OPCML: variants seen among roughly 807,000 people sequenced by gnomAD.
OPCML encodes opioid binding protein/cell adhesion molecule like, also known as opioid-binding protein/cell adhesion molecule.
OPCML carries 13 observed loss-of-function variants against 37.8 expected under a neutral mutation model. That is an observed-to-expected ratio of 0.34 (90% CI 0.22 to 0.55). The LOEUF (loss-of-function observed/expected upper bound fraction) is 0.55. Ranked by LOEUF, OPCML falls within the 20% of genes least tolerant of loss-of-function variation. OPCML has a pLI of 0.91. For missense variants in OPCML, 341 were observed against 435.6 expected, an observed-to-expected ratio of 0.78 and a Z score of 1.93; for synonymous variants, 176 against 168.8, an observed-to-expected ratio of 1.04 and a Z score of -0.33.
intron 1 of OPCML, among the ~76,000 whole-genome samples, chr11:132,960,426 G>A (rs773443994): frequency 2.6e-5 from 4 of 152,196 alleles, no homozygotes; most frequent in Non-Finnish European, 4.4e-5. Flanking sequence ...AGGAGGTTGG[G>A]GCGAGGCCAG....
intron 1 of OPCML, among the ~76,000 whole-genome samples, chr11:133,440,776 A>C (rs59234126): frequency 0.012 from 1,393 of 118,598 alleles, 81 homozygotes; most frequent in African/African-American, 0.077. Context: ...ATATATATAT[A>C]TATATCTGTG....
chr11:133,035,269 C>CT (rs1354171341), intron 1 of OPCML, among the ~76,000 whole-genome samples: 2 of 152,194 alleles, frequency 1.3e-5, no homozygotes, highest in African/African-American at 2.4e-5. Flanking sequence ...CCTAGAGAAA[C>CT]TTTCTACTCC....
rs71477763 is a variant in OPCML, at chr11:132,429,034, G to GGGATGGATGGAT, written c.916+7040_916+7051dup. On this transcript the variant is annotated intron_variant, in intron 7 of 7. Transcript: ENST00000524381. ...TTTGTTGACTAGATGAATGGATGGA[G>GGGATGGATGGAT]GGATGGATGGATGGATGGATGGATG... Among the ~76,000 whole-genome samples, 46 of 146,576 alleles carry GGGATGGATGGAT rather than the reference G, an allele frequency of 3.1e-4. No homozygotes were observed. In the South Asian group the frequency reaches 3.8e-3, roughly 12 times the overall value.
intron 1 of OPCML, among the ~76,000 whole-genome samples, chr11:133,428,215 A>C (rs188579172): frequency 6.6e-6 from 1 of 152,326 alleles, no homozygotes; most frequent in Non-Finnish European, 1.5e-5. Flanking sequence ...ACAAACCTCG[A>C]CTTTTTCTTA....
intron 3 of OPCML, among the ~76,000 whole-genome samples, chr11:132,536,074 G>A (rs7107939): frequency 0.6 from 91,618 of 151,960 alleles, 30,158 homozygotes; most frequent in African/African-American, 0.86. Context: ...CTACACCCCC[G>A]CAAGGGGCAC....
intron 2 of OPCML, among the ~76,000 whole-genome samples, chr11:132,674,577 A>T (rs879676114): frequency 6.6e-6 from 1 of 152,236 alleles, no homozygotes; most frequent in Non-Finnish European, 1.5e-5. Context: ...TTGTCTTATA[A>T]AATTAAATTA....
At chr11:133,017,742 C>T (rs1037907916) in intron 1 of OPCML, among the ~76,000 whole-genome samples, 1 of 152,174 alleles carries the variant, frequency 6.6e-6, no homozygotes, top group Middle Eastern at 3.2e-3. Context: ...TACAGATGCT[C>T]ATTATACTCA....
At position 132,573,327 on chromosome 11, in the gene OPCML, T is replaced by C. The variant is rs533315075; in HGVS notation, c.380-44141A>G. ...TAGCTATGCCTGACTTGTTCCTGAATTTAGAGAAAAACACTTTTAGTTTTT... is the reference window on the plus strand; with the variant it reads ...TAGCTATGCCTGACTTGTTCCTGAACTTAGAGAAAAACACTTTTAGTTTTT... On this transcript the variant is annotated intron_variant, in intron 3 of 7. Transcript: ENST00000524381. Among the ~76,000 whole-genome samples, 125 of 152,098 alleles carry C rather than the reference T, an allele frequency of 8.2e-4. 2 individuals carry two copies. The South Asian group carries it at 0.025, about 30-fold the overall frequency.
At chr11:132,531,698 G>GA (rs1420173589) in intron 3 of OPCML, among the ~76,000 whole-genome samples, 4 of 150,686 alleles carry the variant, frequency 2.7e-5, no homozygotes, top group South Asian at 4.2e-4. Context: ...TACATGCTGG[G>GA]AAAAAAATAG....
At chr11:132,974,870 T>A (rs1284911434) in intron 1 of OPCML, among the ~76,000 whole-genome samples, 1 of 151,538 alleles carries the variant, frequency 6.6e-6, no homozygotes, top group African/African-American at 2.4e-5. Flanking sequence ...CTTCTTCTGC[T>A]TGGATTCTGA....
rs185075267 is a variant in OPCML at position 133,296,643 on chromosome 11, G to A, written c.61+235621C>T. On this transcript the variant is annotated intron_variant, in intron 1 of 7. Transcript: ENST00000524381. ...ATGCTTCCAACTCCTGCGTAGAAGC[G>A]TGTGGAACTCTGTAATTCGGGAACA... Among the ~76,000 whole-genome samples the A allele has an allele frequency of 1.5e-3, 234 of 152,292 alleles. 2 individuals are homozygous for A. The highest frequency in any genetic ancestry group is 5.3e-3 in the African/African-American group (219 of 41,562).
chr11:132,715,222 A>G (rs1345100870), intron 2 of OPCML, among the ~76,000 whole-genome samples: 2 of 152,190 alleles, frequency 1.3e-5, no homozygotes, highest in African/African-American at 4.8e-5. Context: ...GAATAGTTTA[A>G]CTGGCTCACT....
At chr11:132,831,648 C>T (rs997900122) in intron 2 of OPCML, among the ~76,000 whole-genome samples, 6 of 152,048 alleles carry the variant, frequency 3.9e-5, no homozygotes, top group African/African-American at 1.2e-4. Flanking sequence ...AATGACCACT[C>T]GAGACATTTT....
intron 4 of OPCML, among the ~76,000 whole-genome samples, chr11:132,439,702 T>C (rs976871949): frequency 5.5e-4 from 44 of 79,692 alleles, no homozygotes; most frequent in Non-Finnish European, 3.4e-4. Context: ...CTCGCCATTT[T>C]TTTTTTTTTT....
chr11:132,764,095 G>T (rs371024088), intron 2 of OPCML, among the ~76,000 whole-genome samples: 2 of 152,232 alleles, frequency 1.3e-5, no homozygotes, highest in Admixed American at 1.3e-4. Flanking sequence ...TCAGCAGGAG[G>T]CATTGATCTC....
chr11:132,553,466 G>C (rs7928416), intron 3 of OPCML, among the ~76,000 whole-genome samples: 13 of 152,158 alleles, frequency 8.5e-5, no homozygotes, highest in African/African-American at 2.9e-4. Flanking sequence ...CCACAAGGAA[G>C]AGTGTGCATG....
chr11:132,843,096 T>C (rs1297962391), intron 2 of OPCML, among the ~76,000 whole-genome samples: 2 of 149,534 alleles, frequency 1.3e-5, no homozygotes, highest in Admixed American at 6.6e-5. Context: ...TTCTTTCTTT[T>C]TTTTTTTTTT....
intron 7 of OPCML, among the ~76,000 whole-genome samples, chr11:132,427,321 T>C (rs2095980870): frequency 6.6e-6 from 1 of 152,194 alleles, no homozygotes; most frequent in African/African-American, 2.4e-5. Flanking sequence ...AGGATAATGA[T>C]GTTCTTGGTG....
At chr11:133,311,963 C>T (rs1288750292) in intron 1 of OPCML, among the ~76,000 whole-genome samples, 1 of 152,108 alleles carries the variant, frequency 6.6e-6, no homozygotes, top group Non-Finnish European at 1.5e-5. Flanking sequence ...CCATCATTCA[C>T]TGCAGGGGCT....
Sources: gnomAD v4.1 joint callset for allele counts (sites outside exome capture counted in the v4.1 genomes callset) on GRCh38, gnomAD v4.1.1 for gene constraint, MANE v1.5 for transcripts, NCBI Gene and HGNC (gene_info 2026-07-23, HGNC 2026-07-21) for gene names.